Variants in TGFBR3 observed in about 807,000 individuals in gnomAD.
TGFBR3 encodes the protein transforming growth factor beta receptor type 3.
In TGFBR3, 46 loss-of-function variants were observed where a neutral mutation model predicts 87.9. The observed-to-expected ratio is 0.52, with a 90% confidence interval of 0.41 to 0.67. The LOEUF (loss-of-function observed/expected upper bound fraction) is 0.67, where lower values mean the gene tolerates loss of function less well. Ranked by LOEUF, TGFBR3 falls within the 30% of genes least tolerant of loss-of-function variation. TGFBR3 has a pLI of 0.00. For synonymous variants in TGFBR3, 381 were observed against 391.6 expected (o/e 0.97, Z 0.32); for missense variants, 866 against 1,041.9 (o/e 0.83, Z 2.32).
intron 1 of TGFBR3, among the ~76,000 whole-genome samples, chr1:91,871,162 A>G (rs1421359535): frequency 2.6e-5 from 4 of 152,168 alleles, no homozygotes; most frequent in African/African-American, 9.7e-5. Context: ...CAAACAAGAG[A>G]TCCTCCAGAA....
chr1:91,802,658 G>A (rs1675679087), intron 2 of TGFBR3, among the ~76,000 whole-genome samples: 1 of 152,082 alleles, frequency 6.6e-6, no homozygotes, highest in African/African-American at 2.4e-5. Context: ...ACCATGCCTG[G>A]CCCATACTTC....
intron 2 of TGFBR3, among the ~76,000 whole-genome samples, chr1:91,807,869 A>T (rs142209111): frequency 2.6e-5 from 4 of 152,334 alleles, no homozygotes; most frequent in Non-Finnish European, 5.9e-5. Context: ...ATGATCTCTT[A>T]TTCTATGACA....
chr1:91,713,519 C>G (rs937249745), intron 12 of TGFBR3, among the ~76,000 whole-genome samples: 1 of 152,200 alleles, frequency 6.6e-6, no homozygotes, highest in African/African-American at 2.4e-5. Context: ...GTAGAAACAG[C>G]TAGTCCTTAC....
At chr1:91,741,088 G>A (rs1287884199) in intron 4 of TGFBR3, among the ~76,000 whole-genome samples, 4 of 152,044 alleles carry the variant, frequency 2.6e-5, no homozygotes, top group African/African-American at 7.2e-5. Context: ...TGTGTATTTC[G>A]ATGTAATTCT....
intron 2 of TGFBR3, among the ~76,000 whole-genome samples, chr1:91,846,463 T>G (rs997512647): frequency 6.6e-6 from 1 of 152,204 alleles, no homozygotes; most frequent in African/African-American, 2.4e-5. Flanking sequence ...CAGATAATCC[T>G]GGGGTGATGA....
intron 16 of TGFBR3, among the ~76,000 whole-genome samples, chr1:91,687,480 A>C (rs540972334): frequency 3.9e-4 from 59 of 152,328 alleles, no homozygotes; most frequent in African/African-American, 1.3e-3. Context: ...CTGTATTCTT[A>C]TTTCTAAGTC....
intron 3 of TGFBR3, among the ~76,000 whole-genome samples, chr1:91,793,770 TGCTCCA>T (rs1476211527): frequency 7.2e-6 from 1 of 139,612 alleles, no homozygotes; most frequent in African/African-American, 2.7e-5. Flanking sequence ...CACACAACTG[TGCTCCA>T]GCCTGGGTGA....
At chr1:91,701,811 T>G (rs767932958) in intron 14 of TGFBR3, among the ~76,000 whole-genome samples, 8 of 152,148 alleles carry the variant, frequency 5.3e-5, no homozygotes, top group Non-Finnish European at 1.2e-4. Flanking sequence ...GAGAGGAAGA[T>G]TCCTCCTGGA....
Position 91,731,341 on chromosome 1 carries a change from C to T in TGFBR3, c.569-1368G>A, listed in dbSNP as rs528830206. ...TGGGGCATCATGGCTCTGGCCACCA[C>T]AGCACCCCCAGCACCACCCCAGAAC... On this transcript the variant is annotated intron_variant, in intron 5 of 16. Transcript: ENST00000212355. Among the ~76,000 whole-genome samples, 11 of 152,294 alleles carry T rather than the reference C, an allele frequency of 7.2e-5. No homozygotes were observed. In the East Asian group the frequency reaches 2.1e-3, roughly 29 times the overall value.
chr1:91,776,675 A>C (rs1191754421), intron 3 of TGFBR3, among the ~76,000 whole-genome samples: 1 of 152,104 alleles, frequency 6.6e-6, no homozygotes, highest in Non-Finnish European at 1.5e-5. Flanking sequence ...CCTCCTGCCT[A>C]CAGGTCCCTG....
intron 2 of TGFBR3, 43 bp from the exon 3 acceptor site, chr1:91,797,514 T>A (rs774520491): frequency 5.0e-6 from 8 of 1,612,118 alleles, no homozygotes; most frequent in Non-Finnish European, 6.8e-6. Flanking sequence ...GAAACAGCAA[T>A]TAATTCTGCC....
chr1:91,877,543 G>T (rs1278410120), intron 1 of TGFBR3, among the ~76,000 whole-genome samples: 1 of 152,108 alleles, frequency 6.6e-6, no homozygotes, highest in Non-Finnish European at 1.5e-5. Flanking sequence ...CTACAGGAAA[G>T]CTCCTTATTT....
At chr1:91,764,114 T>A (rs1355780072) in intron 3 of TGFBR3, among the ~76,000 whole-genome samples, 3 of 152,044 alleles carry the variant, frequency 2.0e-5, no homozygotes, top group Non-Finnish European at 4.4e-5. Context: ...GTCCCCATCC[T>A]GACCTGGGGC....
intron 1 of TGFBR3, among the ~76,000 whole-genome samples, chr1:91,904,829 G>A (rs779421800): frequency 1.3e-5 from 2 of 151,954 alleles, no homozygotes; most frequent in Admixed American, 1.3e-4. Context: ...GCCTCCCAAA[G>A]TGCTGGGACT....
intron 2 of TGFBR3, among the ~76,000 whole-genome samples, chr1:91,851,759 A>T (rs1414216433): frequency 6.6e-6 from 1 of 152,174 alleles, no homozygotes. Context: ...AAATAACCCA[A>T]ATCAATCAGA....
In TGFBR3 at chr1:91,845,943, T is replaced by C. The variant is rs528863430; in HGVS notation, c.61+15528A>G. 2.8e-4 allele frequency among the ~76,000 whole-genome samples: 42 copies of C among 152,336 alleles called. No homozygotes were observed. The East Asian group carries it at 7.9e-3, about 29-fold the overall frequency. ...TTTCCTCTATTTAAGAAGAGGCCCT[T>C]GCGAAGAATTTATTTAGTTAATGAA... On this transcript the variant is annotated intron_variant, in intron 2 of 16. Coordinates refer to ENST00000212355, the MANE Select transcript of TGFBR3 (RefSeq NM_003243.5).
intron 1 of TGFBR3, 155 bp from the exon 2 acceptor site, chr1:91,861,799 ACTAT>A (rs1343765420): frequency 8.5e-6 from 4 of 470,750 alleles, no homozygotes; most frequent in Admixed American, 3.4e-5. Flanking sequence ...GAGGGCAGTG[ACTAT>A]CTAATAAAGA....
chr1:91,798,855 A>G (rs1002016043), intron 2 of TGFBR3, among the ~76,000 whole-genome samples: 3 of 152,198 alleles, frequency 2.0e-5, no homozygotes, highest in Non-Finnish European at 4.4e-5. Flanking sequence ...ATTTGGCTGT[A>G]GGGAATAAGG....
chr1:91,769,157 G>T lies in TGFBR3; in HGVS notation c.247-10407C>A, dbSNP rs114957925. ...GTATCTATTCTATCAGATGTCAAAG[G>T]GTTAAATCTGTCATTTGTCGAAAGC... On this transcript the variant is annotated intron_variant, in intron 3 of 16. Coordinates refer to ENST00000212355, the MANE Select transcript of TGFBR3 (RefSeq NM_003243.5). Among the ~76,000 whole-genome samples the T allele has an allele frequency of 3.9e-3, 599 of 152,268 alleles. 7 individuals are homozygous for T. The highest frequency in any genetic ancestry group is 0.014 in the African/African-American group (569 of 41,552).
Sources: gnomAD v4.1 joint callset for allele counts (sites outside exome capture counted in the v4.1 genomes callset) on GRCh38, gnomAD v4.1.1 for gene constraint, MANE v1.5 for transcripts, NCBI Gene and HGNC (gene_info 2026-07-23, HGNC 2026-07-21) for gene names.